ALG9: variants seen among roughly 807,000 people sequenced by gnomAD.
ALG9 encodes the protein ALG9 alpha-1,2-mannosyltransferase, also known as alpha-1,2-mannosyltransferase ALG9.
Under a neutral mutation model 81.8 loss-of-function variants are expected in ALG9, and 55 were observed. That is an observed-to-expected ratio of 0.67 (90% CI 0.54 to 0.84). The LOEUF is 0.84. Ranked by LOEUF, ALG9 falls within the 40% of genes least tolerant of loss-of-function variation. ALG9 has a pLI of 0.00. For synonymous variants in ALG9, 278 were observed against 274.3 expected (o/e 1.01, Z -0.13); for missense variants, 629 against 745.0 (o/e 0.84, Z 1.81).
At chr11:111,803,892 G>C (rs1036252023) in intron 14 of ALG9, among the ~76,000 whole-genome samples, 3 of 152,048 alleles carry the variant, frequency 2.0e-5, no homozygotes, top group African/African-American at 7.2e-5. Context: ...CAGCACTTTG[G>C]GAGAGCGAGT....
rs200460892 is a variant in ALG9, at chr11:111,837,584, T to C, written c.1356A>G (p.Glu452=). 318 of 1,614,100 alleles carry C rather than the reference T, an allele frequency of 2.0e-4. No homozygotes were observed. The highest frequency in any genetic ancestry group is 2.5e-4 in the Non-Finnish European group (300 of 1,179,980). The change falls in exon 12 of 15, where the codon GAA becomes GAG. Residue 452 remains glutamate (E), a synonymous_variant. Coordinates refer to ENST00000616540, the MANE Select transcript of ALG9 (RefSeq NM_024740.2). ...TTGGGTCTGTAGCAATTCGGTAAAA[T>C]TCTGGATACAAATCAAGGGGCCCGT... is the stretch of plus-strand genomic sequence containing the variant. ...GYHGPLDLYP[E]FYRIATDPTI...
At chr11:111,781,593 C>G (rs1555056939), downstream of ALG9, among the ~76,000 whole-genome samples, 1 of 152,156 alleles carries the variant, frequency 6.6e-6, no homozygotes, top group Non-Finnish European at 1.5e-5. Context: ...AGGACTTCAT[C>G]TCTTTTAGGT....
downstream of ALG9, among the ~76,000 whole-genome samples, chr11:111,781,893 G>A (rs547832329): frequency 3.3e-5 from 5 of 152,176 alleles, no homozygotes; most frequent in Non-Finnish European, 5.9e-5. Flanking sequence ...TGATCCACCC[G>A]TCTCGGCATC....
At chr11:111,827,909 C>T (rs536621641) in intron 13 of ALG9, among the ~76,000 whole-genome samples, 5 of 148,366 alleles carry the variant, frequency 3.4e-5, no homozygotes, top group East Asian at 4.0e-4. Flanking sequence ...GAGATGAGTC[C>T]GGACGTGGTG....
chr11:111,867,176 T>C (rs1962766810), intron 3 of ALG9, among the ~76,000 whole-genome samples: 1 of 152,232 alleles, frequency 6.6e-6, no homozygotes, highest in Non-Finnish European at 1.5e-5. Flanking sequence ...ATTTTGTCAC[T>C]TTCTGCAGGT....
intron 3 of ALG9, among the ~76,000 whole-genome samples, chr11:111,866,246 G>A (rs1438583900): frequency 3.9e-5 from 6 of 152,154 alleles, no homozygotes; most frequent in African/African-American, 1.2e-4. Context: ...GCAGTGAGCC[G>A]AGATCGTGCC....
chr11:111,857,636 C>T lies in ALG9; in HGVS notation c.667G>A (p.Ala223Thr), dbSNP rs782128787. 2 of 1,614,142 alleles carry T rather than the reference C, an allele frequency of 1.2e-6. No homozygotes were observed. The highest frequency in any genetic ancestry group is 2.2e-5 in the South Asian group (2 of 91,082). ...GCACTGAATGGCCAGCCTAAGATAG[C>T]CCCAGCTGCTACTCCCAGCACAGCA... ...SIAVLGVAAG[A>T]ILGWPFSAAL... The change falls in exon 6 of 15, where the codon GCT (alanine) becomes ACT (threonine). Residue 223 changes from alanine to threonine, a missense_variant. Physicochemically the swap from Ala to Thr is moderately conservative, Grantham distance 58. This residue lies in a region of ALG9 where 344 missense variants were observed against 390.5 expected (regional missense o/e 0.88). Coordinates refer to ENST00000616540, the MANE Select transcript of ALG9 (RefSeq NM_024740.2).
intron 1 of ALG9, chr11:111,870,663 A>T: frequency 1.2e-6 from 1 of 859,490 alleles, no homozygotes; most frequent in Non-Finnish European, 1.5e-6. Context: ...AATTGACTTT[A>T]ATCACTCAAT....
rs782116030 is a variant in ALG9, at chr11:111,812,131, AAT to A, written c.1603-2360_1603-2359del. ...CCTAGACAAAAACCTTACTATTATA[AAT>A]ATGTCAATTCTAAACAAATTGATTG... On this transcript the variant is annotated intron_variant, in intron 13 of 14. Coordinates refer to ENST00000616540, the MANE Select transcript of ALG9 (RefSeq NM_024740.2). Among the ~76,000 whole-genome samples, 32 of 152,358 alleles carry A rather than the reference AAT, an allele frequency of 2.1e-4. No homozygotes were observed. In the Middle Eastern group the frequency reaches 0.014, roughly 65 times the overall value.
chr11:111,785,634 A>G lies in ALG9; in HGVS notation c.*763T>C, dbSNP rs886047680. 7 of 170,190 alleles carry G rather than the reference A, an allele frequency of 4.1e-5. No individual in the cohort carries two copies. Among genetic ancestry groups the G allele is most frequent in the Non-Finnish European group, 7.6e-5 (6 of 78,670 alleles). 10.5% of individuals were successfully genotyped at this position (170,190 alleles called of 1,614,324 possible). On this transcript the variant is annotated 3_prime_UTR_variant, in exon 15 of 15. Coordinates refer to ENST00000616540, the MANE Select transcript of ALG9 (RefSeq NM_024740.2). Reference sequence around the variant, plus strand: ...TATACAGTTGTAGTTTTGTCTGTTGATATCTTCACATGGAGGAGTCTAGAA... The same window carrying G: ...TATACAGTTGTAGTTTTGTCTGTTGGTATCTTCACATGGAGGAGTCTAGAA...
intron 14 of ALG9, among the ~76,000 whole-genome samples, chr11:111,789,669 C>A (rs1348651210): frequency 1.3e-5 from 2 of 151,546 alleles, no homozygotes; most frequent in Non-Finnish European, 2.9e-5. Context: ...CCCGTCTCTA[C>A]TAAAAGTACA....
intron 13 of ALG9, among the ~76,000 whole-genome samples, chr11:111,816,475 T>G (rs1283897399): frequency 6.6e-6 from 1 of 152,156 alleles, no homozygotes; most frequent in Admixed American, 6.5e-5. Flanking sequence ...GTCTTGAACT[T>G]ACGGCCTCAA....
At chr11:111,812,424 G>A (rs7948790) in intron 13 of ALG9, among the ~76,000 whole-genome samples, 27 of 152,060 alleles carry the variant, frequency 1.8e-4, no homozygotes, top group African/African-American at 4.1e-4. Context: ...AAAATTAGCC[G>A]GGCATGGTGG....
At chr11:111,777,260 T>C (rs17092467), downstream of ALG9, among the ~76,000 whole-genome samples, 497 of 152,334 alleles carry the variant, frequency 3.3e-3, 4 homozygotes, top group African/African-American at 0.011. Flanking sequence ...ACTGCTGTGA[T>C]GGACAATTCA....
Position 111,809,429 on chromosome 11 carries a change from C to T in ALG9, c.1733+214G>A, listed in dbSNP as rs551939862. 1.6e-3 allele frequency among the ~76,000 whole-genome samples: 248 copies of T among 152,088 alleles called. 1 individual carries two copies. The highest frequency in any genetic ancestry group is 2.8e-3 in the Non-Finnish European group (191 of 68,000). On this transcript the variant is annotated intron_variant, in intron 14 of 14. Coordinates refer to ENST00000616540, the MANE Select transcript of ALG9 (RefSeq NM_024740.2). ...CCTGTAATCCCAGCTACTTGGGAGGCTGAGGCAGAAGAATCACTTGAACCC... is the reference window on the plus strand; with the variant it reads ...CCTGTAATCCCAGCTACTTGGGAGGTTGAGGCAGAAGAATCACTTGAACCC...
At chr11:111,832,467 C>T (rs963429437) in intron 13 of ALG9, among the ~76,000 whole-genome samples, 12 of 151,672 alleles carry the variant, frequency 7.9e-5, no homozygotes, top group African/African-American at 2.4e-4. Context: ...ATTGTAGAGA[C>T]TGAATCTCGC....
At chr11:111,768,264 C>G in the ALG9 span, among the ~76,000 whole-genome samples, 1 of 152,102 alleles carries the variant, frequency 6.6e-6, no homozygotes, top group African/African-American at 2.4e-5. Context: ...AGTAACAATA[C>G]GACGGATGAC....
rs1555147136 is a variant in ALG9, at chr11:111,860,647, G to A, written c.477-12C>T. 15 of 1,603,422 alleles carry A rather than the reference G, an allele frequency of 9.4e-6. No homozygotes were observed. Among genetic ancestry groups the A allele is most frequent in the Non-Finnish European group, 1.2e-5 (14 of 1,171,816 alleles). ...TCTTGCACACAGCCCTAGGAAAAAGGCAAAGACTATCAGCATTGAGAATAT... is the reference window on the plus strand; with the variant it reads ...TCTTGCACACAGCCCTAGGAAAAAGACAAAGACTATCAGCATTGAGAATAT... On this transcript the variant is annotated splice_polypyrimidine_tract_variant and intron_variant, in intron 4 of 14. Coordinates refer to ENST00000616540, the MANE Select transcript of ALG9 (RefSeq NM_024740.2).
chr11:111,792,383 C>T (rs577366769), intron 14 of ALG9, among the ~76,000 whole-genome samples: 15 of 152,210 alleles, frequency 9.9e-5, no homozygotes, highest in Admixed American at 7.2e-4. Context: ...CTGAAGACAG[C>T]GAGAGAGGGA....
Sources: allele counts gnomAD v4.1 joint callset (sites outside exome capture counted in the v4.1 genomes callset), GRCh38; gene constraint gnomAD v4.1.1; regional missense constraint gnomAD v4.1.1; transcripts MANE v1.5; gene names NCBI Gene and HGNC (gene_info 2026-07-23, HGNC 2026-07-21).